Variants in TCF12 observed in about 807,000 individuals in gnomAD.
TCF12 encodes transcription factor 12, also known as DNA-binding protein HTF4.
A neutral mutation model predicts 86.0 loss-of-function variants in TCF12; 45 were observed. That is an observed-to-expected ratio of 0.52 (90% CI 0.41 to 0.67). TCF12 has a LOEUF of 0.67. TCF12 is among the 30% of genes least tolerant of loss of function. The pLI is 0.00. For missense variants in TCF12, 881 were observed against 859.9 expected, an observed-to-expected ratio of 1.02 and a Z score of -0.31; for synonymous variants, 330 against 299.6, an observed-to-expected ratio of 1.10 and a Z score of -1.05.
chr15:57,047,337 A>C (rs542810925), intron 3 of TCF12, among the ~76,000 whole-genome samples: 1 of 152,312 alleles, frequency 6.6e-6, no homozygotes, highest in Admixed American at 6.5e-5. Context: ...TAGCAAAGGG[A>C]AGTGTGTTCT....
intron 3 of TCF12, among the ~76,000 whole-genome samples, chr15:56,925,428 C>G (rs2059967565): frequency 6.6e-6 from 1 of 152,242 alleles, no homozygotes; most frequent in Middle Eastern, 3.4e-3. Flanking sequence ...GTATCCTTTG[C>G]TATATCTTTG....
intron 3 of TCF12, among the ~76,000 whole-genome samples, chr15:56,949,219 G>A (rs2061154054): frequency 6.6e-6 from 1 of 152,098 alleles, no homozygotes; most frequent in South Asian, 2.1e-4. Flanking sequence ...AGCACAATTT[G>A]TATATTTCTG....
chr15:56,937,362 AC>A (rs1475000287), intron 3 of TCF12, among the ~76,000 whole-genome samples: 2 of 148,720 alleles, frequency 1.3e-5, no homozygotes, highest in African/African-American at 4.9e-5. Context: ...AGTTCTAGGA[AC>A]TTTTTTTTTT....
chr15:57,009,852 TACAATTTGAAA>T, intron 3 of TCF12, among the ~76,000 whole-genome samples: 1 of 152,198 alleles, frequency 6.6e-6, no homozygotes, highest in Non-Finnish European at 1.5e-5. Flanking sequence ...ATTTTCCACA[TACAATTTGAAA>T]ATAACATAAA....
chr15:57,239,190 A>G (rs558615829), intron 12 of TCF12, among the ~76,000 whole-genome samples: 1 of 152,132 alleles, frequency 6.6e-6, no homozygotes, highest in Non-Finnish European at 1.5e-5. Context: ...CGTCTCTACT[A>G]AAAATACAAA....
intron 3 of TCF12, among the ~76,000 whole-genome samples, chr15:56,929,912 A>G (rs1438210195): frequency 6.6e-6 from 1 of 152,180 alleles, no homozygotes; most frequent in Non-Finnish European, 1.5e-5. Flanking sequence ...TCTATGGAAG[A>G]TCATTCTAGT....
chr15:57,232,698 C>G lies in TCF12; in HGVS notation c.826-14C>G, dbSNP rs777954240. ...AGAAAATATATTTAATAGATCATAT[C>G]TCTTTCCATCTAGAGTTATCCTCCA... On this transcript the variant is annotated splice_polypyrimidine_tract_variant and intron_variant, in intron 10 of 20. Coordinates refer to ENST00000333725, the MANE Select transcript of TCF12 (RefSeq NM_207037.2). 22 of 1,607,148 alleles carry G rather than the reference C, an allele frequency of 1.4e-5. No individual in the cohort carries two copies. The highest frequency in any genetic ancestry group is 1.7e-4 in the Middle Eastern group (1 of 6,044).
intron 3 of TCF12, among the ~76,000 whole-genome samples, chr15:56,970,259 A>T (rs2062223429): frequency 6.6e-6 from 1 of 151,990 alleles, no homozygotes. Context: ...AGGTGGGTGG[A>T]TCACGAGTTC....
chr15:57,096,158 A>T (rs1395929565), intron 5 of TCF12, among the ~76,000 whole-genome samples: 1 of 152,182 alleles, frequency 6.6e-6, no homozygotes, highest in Non-Finnish European at 1.5e-5. Context: ...GACCGTGGAA[A>T]AACGGTTCCA....
intron 18 of TCF12, among the ~76,000 whole-genome samples, chr15:57,264,390 G>A (rs563422898): frequency 8.1e-4 from 122 of 151,160 alleles, no homozygotes; most frequent in Admixed American, 1.5e-3. Context: ...TAGTGGAGAC[G>A]GGGTTTCACC....
At chr15:57,054,057 G>A (rs1031041045) in intron 3 of TCF12, among the ~76,000 whole-genome samples, 1 of 152,158 alleles carries the variant, frequency 6.6e-6, no homozygotes, top group East Asian at 1.9e-4. Flanking sequence ...AAAGAATTGA[G>A]TGGCAGTTTT....
intron 18 of TCF12, among the ~76,000 whole-genome samples, chr15:57,272,498 G>A (rs146823411): frequency 4.5e-4 from 69 of 152,222 alleles, no homozygotes; most frequent in African/African-American, 1.4e-3. Flanking sequence ...CCAGGTAACC[G>A]CCAGAGTATA....
At chr15:57,030,474 T>G (rs371233427) in intron 3 of TCF12, among the ~76,000 whole-genome samples, 14 of 152,166 alleles carry the variant, frequency 9.2e-5, no homozygotes, top group African/African-American at 3.4e-4. Context: ...TGTTCTCAAA[T>G]TCCTGCCTCA....
intron 5 of TCF12, among the ~76,000 whole-genome samples, chr15:57,151,848 G>T (rs1474114812): frequency 3.3e-5 from 5 of 151,954 alleles, no homozygotes; most frequent in Admixed American, 6.6e-5. Flanking sequence ...CACAGTTTCT[G>T]TAAGTACTGA....
At chr15:57,154,665 G>C in intron 5 of TCF12, among the ~76,000 whole-genome samples, 1 of 151,944 alleles carries the variant, frequency 6.6e-6, no homozygotes, top group East Asian at 1.9e-4. Context: ...TGTATACAAA[G>C]AGATCCAGTT....
chr15:57,158,191 T>TC (rs2054255683), intron 5 of TCF12, among the ~76,000 whole-genome samples: 1 of 149,342 alleles, frequency 6.7e-6, no homozygotes, highest in African/African-American at 2.4e-5. Context: ...GTCGTTTCTT[T>TC]TTTTTTTTTT....
chr15:57,197,881 G>C (rs183292555), intron 8 of TCF12, 56 bp downstream of exon 8: 2 of 1,557,376 alleles, frequency 1.3e-6, no homozygotes, highest in Non-Finnish European at 1.8e-6. Flanking sequence ...CAAGTGTTCC[G>C]TATTACCTTG....
chr15:57,146,918 T>C (rs1362752230), intron 5 of TCF12, among the ~76,000 whole-genome samples: 1 of 152,200 alleles, frequency 6.6e-6, no homozygotes, highest in Non-Finnish European at 1.5e-5. Context: ...TTTGGAGAAA[T>C]ATAGTGCCTC....
chr15:57,251,188 T>A (rs2060100407), intron 13 of TCF12, 162 bp from the exon 14 acceptor site: 1 of 473,622 alleles, frequency 2.1e-6, no homozygotes, highest in Non-Finnish European at 3.8e-6. Flanking sequence ...AAAGATTTTT[T>A]AAAATGTGTT....
Sources: gnomAD v4.1 joint callset for allele counts (sites outside exome capture counted in the v4.1 genomes callset) on GRCh38, gnomAD v4.1.1 for gene constraint, MANE v1.5 for transcripts, NCBI Gene and HGNC (gene_info 2026-07-23, HGNC 2026-07-21) for gene names.